BCO2: variants seen among roughly 807,000 people sequenced by gnomAD.
The protein encoded by BCO2 is beta-carotene oxygenase 2, also known as carotenoid-cleaving dioxygenase, mitochondrial.
A neutral mutation model predicts 65.8 loss-of-function variants in BCO2; 56 were observed. The observed-to-expected ratio is 0.85, with a 90% CI of 0.69 to 1.06. The LOEUF is 1.06. Among genes scored for constraint, BCO2 ranks in the 50% least tolerant of loss-of-function variants. BCO2 has a pLI of 0.00. For synonymous variants in BCO2, 233 were observed against 242.3 expected (o/e 0.96, Z 0.36); for missense variants, 675 against 698.5 (o/e 0.97, Z 0.38).
chr11:112,210,285 T>C (rs778940982), intron 8 of BCO2, among the ~76,000 whole-genome samples: 1 of 152,250 alleles, frequency 6.6e-6, no homozygotes, highest in Non-Finnish European at 1.5e-5. Context: ...TTTTTAATCA[T>C]GTTGCCTTGT....
At chr11:112,197,073 G>A in intron 5 of BCO2, among the ~76,000 whole-genome samples, 1 of 151,986 alleles carries the variant, frequency 6.6e-6, no homozygotes, top group African/African-American at 2.4e-5. Flanking sequence ...GAACTCCTGG[G>A]CTCAAGACAT....
intron 1 of BCO2, among the ~76,000 whole-genome samples, chr11:112,178,495 A>G (rs967708100): frequency 6.6e-6 from 1 of 152,202 alleles, no homozygotes; most frequent in African/African-American, 2.4e-5. Context: ...TCACTCTTAA[A>G]CTTTTATGAG....
chr11:112,181,348 A>AG, intron 2 of BCO2: 1 of 520,224 alleles, frequency 1.9e-6, no homozygotes, highest in Non-Finnish European at 3.5e-6. Context: ...CGCCCGGCTA[A>AG]TTTTTTGTAT....
chr11:112,179,104 C>T (rs973049430), intron 1 of BCO2, among the ~76,000 whole-genome samples, 174 bp from the exon 2 acceptor site: 5 of 149,214 alleles, frequency 3.4e-5, no homozygotes, highest in Admixed American at 6.7e-5. Flanking sequence ...AGAACCAAAG[C>T]GTTGATAGTC....
chr11:112,193,569 C>T lies in BCO2; in HGVS notation c.389C>T (p.Thr130Ile), dbSNP rs190635740. The T allele has an allele frequency of 1.2e-4, 193 of 1,614,084 alleles. No individual in the cohort carries two copies. In the East Asian group the frequency reaches 4.1e-3, roughly 34 times the overall value. ...AGGAGCAAGTTTCTACAGAGTGATACATATAAGGCCAACAGTGCTAAAAAC... is the reference window on the plus strand; with the variant it reads ...AGGAGCAAGTTTCTACAGAGTGATATATATAAGGCCAACAGTGCTAAAAAC... ...TYRSKFLQSD[T>I]YKANSAKNRI... is the part of the protein sequence containing the mutation. The change falls in exon 3 of 12, where the codon ACA (threonine) becomes ATA (isoleucine). Residue 130 changes from threonine to isoleucine, a missense_variant. Coordinates refer to ENST00000357685, the MANE Select transcript of BCO2 (RefSeq NM_031938.7).
Position 112,186,975 on chromosome 11 carries a change from G to C in BCO2, c.294-6499G>C, listed in dbSNP as rs182154135. Among the ~76,000 whole-genome samples the C allele has an allele frequency of 8.3e-3, 1,268 of 152,198 alleles. 10 individuals carry two copies. Among genetic ancestry groups the C allele is most frequent in the Admixed American group, 0.015 (234 of 15,282 alleles). ...CTAGGCTCCCAGTTCCTGGACTATC[G>C]CCACTGTAATGATTGTCCCCCTCCA... On this transcript the variant is annotated intron_variant, in intron 2 of 11. Coordinates refer to ENST00000357685, the MANE Select transcript of BCO2 (RefSeq NM_031938.7).
intron 5 of BCO2, among the ~76,000 whole-genome samples, chr11:112,195,204 C>CA (rs1555195234): frequency 4.0e-5 from 6 of 151,410 alleles, no homozygotes; most frequent in East Asian, 3.9e-4. Context: ...GGCGCAATCT[C>CA]GCTCATTGCA....
chr11:112,208,817 G>T, intron 8 of BCO2: 1 of 190,256 alleles, frequency 5.3e-6, no homozygotes. Context: ...CAGAAGTAAT[G>T]AAAACATTAC....
At chr11:112,194,545 C>T in intron 4 of BCO2, 108 bp from the exon 5 acceptor site, 1 of 695,992 alleles carries the variant, frequency 1.4e-6, no homozygotes, top group Non-Finnish European at 2.5e-6. Flanking sequence ...TTAGGGCTTA[C>T]ATTGCAGTTT....
chr11:112,194,808 G>A (rs1867522290), intron 5 of BCO2, 53 bp downstream of exon 5: 2 of 1,289,828 alleles, frequency 1.6e-6, no homozygotes, highest in African/African-American at 1.5e-5. Context: ...GGCACGGTGT[G>A]TATATAAAGA....
chr11:112,178,247 G>A (rs1711160925), intron 1 of BCO2, among the ~76,000 whole-genome samples: 1 of 152,054 alleles, frequency 6.6e-6, no homozygotes, highest in South Asian at 2.1e-4. Flanking sequence ...AAAGGACATT[G>A]GGAAAGACAT....
At position 112,213,779 on chromosome 11, in the gene BCO2, T is replaced by A. The variant is rs747678472; in HGVS notation, c.1250T>A (p.Val417Asp). Residue 417 changes from valine to aspartate, a missense_variant, in exon 9 of 12, where the codon GTC becomes GAC. Val to Asp is a radical substitution (Grantham distance 152). Transcript: ENST00000357685. ...FPRRFVLPLN[V>D]SLNAPEGDNL... ...CGAAGGTTTGTTTTGCCTTTAAATGTCAGTTTGAATGCCCCTGAGGGAGAC... is the reference window on the plus strand; with the variant it reads ...CGAAGGTTTGTTTTGCCTTTAAATGACAGTTTGAATGCCCCTGAGGGAGAC... 1.2e-6 allele frequency: 2 copies of A among 1,613,538 alleles called. No homozygotes were observed. The highest frequency in any genetic ancestry group is 3.3e-5 in the Admixed American group (2 of 59,956).
intron 1 of BCO2, 166 bp downstream of exon 1, chr11:112,175,855 TGA>T (rs1866868620): frequency 1.8e-6 from 1 of 545,506 alleles, no homozygotes; most frequent in South Asian, 2.6e-5. Context: ...TAAAGAAGGC[TGA>T]GTTAGGATTG....
In BCO2 at chr11:112,218,496, T is replaced by C; in HGVS notation, c.*622T>C. 1 of 271,348 alleles carries C rather than the reference T, an allele frequency of 3.7e-6. No homozygotes were observed. The highest frequency in any genetic ancestry group is 1.6e-3 in the Middle Eastern group (1 of 614). The allele number at this position is 271,348 out of a possible 1,614,324, so 16.8% of individuals were successfully genotyped here. Reference sequence around the variant, plus strand: ...TTTGTCTGCCTGCACCCAACTGCAATGAGCCTATGTATGTCAAGTTGGTGG... The same window carrying C: ...TTTGTCTGCCTGCACCCAACTGCAACGAGCCTATGTATGTCAAGTTGGTGG... On this transcript the variant is annotated 3_prime_UTR_variant, in exon 12 of 12. Transcript: ENST00000357685.
chr11:112,208,340 T>C (rs1010801811), intron 8 of BCO2, among the ~76,000 whole-genome samples: 1 of 152,188 alleles, frequency 6.6e-6, no homozygotes, highest in Non-Finnish European at 1.5e-5. Context: ...TTATAGATTC[T>C]TTTAGATTTT....
intron 2 of BCO2, among the ~76,000 whole-genome samples, chr11:112,190,555 T>A (rs1172711341): frequency 6.6e-6 from 1 of 152,052 alleles, no homozygotes; most frequent in African/African-American, 2.4e-5. Context: ...TCCTAAAAAT[T>A]GCTTAAGAAA....
chr11:112,196,328 T>C (rs1867572783), intron 5 of BCO2, among the ~76,000 whole-genome samples: 1 of 152,320 alleles, frequency 6.6e-6, no homozygotes, highest in South Asian at 2.1e-4. Flanking sequence ...TGCAGGCAAC[T>C]GCAGGGAGCT....
intron 2 of BCO2, among the ~76,000 whole-genome samples, chr11:112,183,476 T>G (rs1316618254): frequency 6.6e-6 from 1 of 152,232 alleles, no homozygotes; most frequent in African/African-American, 2.4e-5. Context: ...TGACCAGGAA[T>G]AGTATCTATT....
In BCO2 at chr11:112,218,522, A is replaced by G; in HGVS notation, c.*648A>G. On this transcript the variant is annotated 3_prime_UTR_variant, in exon 12 of 12. Coordinates refer to ENST00000357685, the MANE Select transcript of BCO2 (RefSeq NM_031938.7). Reference sequence around the variant, plus strand: ...GAGCCTATGTATGTCAAGTTGGTGGAGTCCCATGGTGCTGAACACCAACTC... The same window carrying G: ...GAGCCTATGTATGTCAAGTTGGTGGGGTCCCATGGTGCTGAACACCAACTC... 3.6e-6 allele frequency: 1 copy of G among 281,050 alleles called. No homozygotes were observed. Among genetic ancestry groups the G allele is most frequent in the Non-Finnish European group, 7.5e-6 (1 of 133,032 alleles). The allele number at this position is 281,050 out of a possible 1,614,324, so 17.4% of individuals were successfully genotyped here. A position where few individuals can be genotyped will look rare whatever the true frequency, so the allele number is the denominator to read the frequency against.
Sources: allele counts gnomAD v4.1 joint callset (sites outside exome capture counted in the v4.1 genomes callset), GRCh38; gene constraint gnomAD v4.1.1; transcripts MANE v1.5; gene names NCBI Gene and HGNC (gene_info 2026-07-23, HGNC 2026-07-21).